Variants in MARCHF1 observed in about 807,000 individuals in gnomAD.
MARCHF1 encodes the protein E3 ubiquitin-protein ligase MARCHF1.
In MARCHF1, 40 loss-of-function variants were observed where a neutral mutation model predicts 54.2. That is an observed-to-expected ratio of 0.74 (90% CI 0.57 to 0.96). MARCHF1 has a LOEUF of 0.96. Among genes scored for constraint, MARCHF1 ranks in the 40% least tolerant of loss-of-function variants. The probability of loss-of-function intolerance (pLI) is 0.00; values close to 1 mark genes in which losing one functional copy is unlikely to be tolerated. For synonymous variants in MARCHF1, 236 were observed against 236.3 expected (o/e 1.00, Z 0.01); for missense variants, 586 against 656.5 (o/e 0.89, Z 1.17).
chr4:164,350,987 A>AT (rs1050859259), intron 1 of MARCHF1, among the ~76,000 whole-genome samples: 1 of 152,020 alleles, frequency 6.6e-6, no homozygotes, highest in African/African-American at 2.4e-5. Flanking sequence ...TTTCCGAGTC[A>AT]AAGAAAGGGG....
chr4:163,830,998 G>T (rs1424805496), intron 4 of MARCHF1, among the ~76,000 whole-genome samples: 1 of 152,140 alleles, frequency 6.6e-6, no homozygotes, highest in Non-Finnish European at 1.5e-5. Flanking sequence ...GGGGGCTCTT[G>T]TTCCAAGCAT....
chr4:164,029,568 CAT>C (rs70948691), intron 2 of MARCHF1, among the ~76,000 whole-genome samples: 1 of 151,058 alleles, frequency 6.6e-6, no homozygotes, highest in East Asian at 1.9e-4. Flanking sequence ...ATTAAATTGA[CAT>C]ATATATATAT....
rs554508861 is a variant in MARCHF1, at chr4:164,300,102, G to A, written c.-323+83768C>T. Reference sequence around the variant, plus strand: ...GACATCTAAACCTTTTCTAGAACCAGAACACTTCTAAAACAATAGGCACTC... The same window carrying A: ...GACATCTAAACCTTTTCTAGAACCAAAACACTTCTAAAACAATAGGCACTC... On this transcript the variant is annotated intron_variant, in intron 1 of 9. Transcript: ENST00000514618. Among the ~76,000 whole-genome samples the A allele has an allele frequency of 2.0e-5, 3 of 152,174 alleles. No homozygotes were observed. The East Asian group carries it at 5.8e-4, about 29-fold the overall frequency.
chr4:163,826,474 C>A (rs1157305498), intron 4 of MARCHF1, among the ~76,000 whole-genome samples: 1 of 151,900 alleles, frequency 6.6e-6, no homozygotes, highest in Non-Finnish European at 1.5e-5. Flanking sequence ...ACATAAATAT[C>A]CTAAAGCCGT....
intron 1 of MARCHF1, among the ~76,000 whole-genome samples, chr4:164,167,376 A>G (rs1230720883): frequency 1.3e-5 from 2 of 151,922 alleles, no homozygotes; most frequent in African/African-American, 2.4e-5. Flanking sequence ...ATGCAGAATT[A>G]ACACAATTCC....
intron 3 of MARCHF1, among the ~76,000 whole-genome samples, chr4:163,909,359 T>C (rs1416270497): frequency 6.6e-6 from 1 of 152,194 alleles, no homozygotes; most frequent in African/African-American, 2.4e-5. Flanking sequence ...AACATAAGCA[T>C]TTCTGTCATT....
intron 3 of MARCHF1, among the ~76,000 whole-genome samples, chr4:163,875,439 G>A (rs1413492423): frequency 1.3e-5 from 2 of 151,898 alleles, no homozygotes; most frequent in African/African-American, 4.8e-5. Context: ...CCTTAAATTG[G>A]TGATGATTAA....
chr4:164,242,692 G>A (rs1318159023), intron 1 of MARCHF1, among the ~76,000 whole-genome samples: 2 of 152,160 alleles, frequency 1.3e-5, no homozygotes, highest in African/African-American at 4.8e-5. Flanking sequence ...GCTACGGGAG[G>A]ACATTCAAAC....
intron 2 of MARCHF1, among the ~76,000 whole-genome samples, chr4:164,052,818 TA>T (rs1469514119): frequency 3.2e-4 from 49 of 152,232 alleles, no homozygotes; most frequent in African/African-American, 1.1e-3. Flanking sequence ...ATAGTGATAC[TA>T]ATCATGGCTA....
chr4:163,881,871 G>A (rs751768841), intron 3 of MARCHF1, among the ~76,000 whole-genome samples: 20 of 152,100 alleles, frequency 1.3e-4, no homozygotes, highest in Non-Finnish European at 2.1e-4. Flanking sequence ...GAGCAGACAC[G>A]GTAGTCTAAT....
At position 163,740,201 on chromosome 4, in the gene MARCHF1, C is replaced by T. The variant is rs745369432; in HGVS notation, c.112-39338G>A. ...ATCCCCTGTCCTCCTAATCCCCCAA[C>T]CTCCCACTAACTTACTGCTCTAACC... On this transcript the variant is annotated intron_variant, in intron 4 of 9. Transcript: ENST00000514618. Among the ~76,000 whole-genome samples, 48 of 152,168 alleles carry T rather than the reference C, an allele frequency of 3.2e-4. 1 individual carries two copies. The highest frequency in any genetic ancestry group is 5.1e-4 in the Non-Finnish European group (35 of 68,026).
intron 8 of MARCHF1, among the ~76,000 whole-genome samples, chr4:163,550,174 C>G (rs1347360262): frequency 6.6e-6 from 1 of 150,710 alleles, no homozygotes; most frequent in African/African-American, 2.4e-5. Context: ...CCCAGCTACT[C>G]GGAAGGCTGA....
chr4:164,304,470 T>C (rs1212934761), intron 1 of MARCHF1, among the ~76,000 whole-genome samples: 1 of 152,208 alleles, frequency 6.6e-6, no homozygotes, highest in Non-Finnish European at 1.5e-5. Context: ...TTTGAAACTA[T>C]TTAGAGTCAG....
At chr4:164,021,389 T>G (rs1430788540) in intron 2 of MARCHF1, among the ~76,000 whole-genome samples, 1 of 152,168 alleles carries the variant, frequency 6.6e-6, no homozygotes, top group Non-Finnish European at 1.5e-5. Context: ...GATACTAGTC[T>G]CAGAGTGCTT....
At chr4:163,984,116 C>T (rs1278746330) in intron 3 of MARCHF1, among the ~76,000 whole-genome samples, 4 of 151,986 alleles carry the variant, frequency 2.6e-5, no homozygotes, top group African/African-American at 9.6e-5. Flanking sequence ...AAAAGAGATT[C>T]CCCAGTAACA....
chr4:163,646,986 A>G (rs57145751), intron 5 of MARCHF1, among the ~76,000 whole-genome samples: 10,628 of 152,138 alleles, frequency 0.07, 1,207 homozygotes, highest in African/African-American at 0.24. Flanking sequence ...ATAAAAGAAT[A>G]AGACCCTATT....
intron 4 of MARCHF1, among the ~76,000 whole-genome samples, chr4:163,737,200 ATTTATTTTTTTTAAT>A (rs1431111898): frequency 8.6e-4 from 24 of 27,972 alleles, no homozygotes; most frequent in African/African-American, 2.4e-3. Flanking sequence ...TAGTTTATTT[ATTTATTTTTTTTAAT>A]TTTTTTTTTT....
At chr4:164,179,356 T>C (rs1730772620) in intron 1 of MARCHF1, among the ~76,000 whole-genome samples, 1 of 152,144 alleles carries the variant, frequency 6.6e-6, no homozygotes, top group South Asian at 2.1e-4. Context: ...TGTGATTTCA[T>C]TTAGCATTAA....
chr4:163,909,611 A>G (rs1175188790), intron 3 of MARCHF1, among the ~76,000 whole-genome samples: 1 of 152,190 alleles, frequency 6.6e-6, no homozygotes, highest in Admixed American at 6.5e-5. Context: ...GCAACTATCA[A>G]AAGTTTTATT....
Sources: gnomAD v4.1 joint callset for allele counts (sites outside exome capture counted in the v4.1 genomes callset) on GRCh38, gnomAD v4.1.1 for gene constraint, MANE v1.5 for transcripts, NCBI Gene and HGNC (gene_info 2026-07-23, HGNC 2026-07-21) for gene names.